KTN1: variants seen among roughly 807,000 people sequenced by gnomAD.
The protein encoded by KTN1 is kinectin 1.
KTN1 carries 130 observed loss-of-function variants against 222.5 expected under a neutral mutation model. The ratio of observed to expected loss-of-function variants is 0.58; its 90% CI spans 0.51 to 0.68. The LOEUF (loss-of-function observed/expected upper bound fraction) is 0.68. Among genes scored for constraint, KTN1 ranks in the 30% least tolerant of loss-of-function variants. The probability of loss-of-function intolerance (pLI) is 0.00; values close to 1 mark genes in which losing one functional copy is unlikely to be tolerated. For missense variants in KTN1, 1,508 were observed against 1,500.4 expected (o/e 1.01, Z -0.08); for synonymous variants, 512 against 496.3 (o/e 1.03, Z -0.42).
chr14:55,580,981 A>G (rs1256580691), intron 1 of KTN1, among the ~76,000 whole-genome samples: 3 of 152,160 alleles, frequency 2.0e-5, no homozygotes, highest in African/African-American at 7.2e-5. Flanking sequence ...AAGCAGCATG[A>G]GGGGGGACTT....
intron 29 of KTN1, among the ~76,000 whole-genome samples, chr14:55,657,783 A>C (rs1230306190): frequency 6.6e-6 from 1 of 152,006 alleles, no homozygotes; most frequent in Non-Finnish European, 1.5e-5. Flanking sequence ...GCATGGTGGC[A>C]GGTGCCTGTA....
At chr14:55,614,987 T>C (rs761125407) in intron 2 of KTN1, among the ~76,000 whole-genome samples, 2 of 152,156 alleles carry the variant, frequency 1.3e-5, no homozygotes, top group Non-Finnish European at 2.9e-5. Flanking sequence ...TTCAGAAGCC[T>C]TAAGCGTGAA....
At chr14:55,588,578 G>A (rs1044568543) in intron 1 of KTN1, among the ~76,000 whole-genome samples, 13 of 152,288 alleles carry the variant, frequency 8.5e-5, no homozygotes, top group African/African-American at 1.9e-4. Context: ...TTAGAGTCAT[G>A]GATAGGAGTC....
At chr14:55,656,004 G>T (rs747864034) in intron 28 of KTN1, 38 bp from the exon 29 acceptor site, 77 of 1,246,020 alleles carry the variant, frequency 6.2e-5, no homozygotes, top group Admixed American at 4.5e-4. Flanking sequence ...CCTTTTTTAT[G>T]TACTTTAGTT....
At chr14:55,625,630 A>C (rs1341428233) in intron 5 of KTN1, among the ~76,000 whole-genome samples, 2 of 152,064 alleles carry the variant, frequency 1.3e-5, no homozygotes, top group East Asian at 1.9e-4. Context: ...TTCTTTATTC[A>C]TCTCTTGGTT....
Position 55,627,488 on chromosome 14 carries a change from G to C in KTN1, c.964-424G>C, listed in dbSNP as rs1019551833. Among the ~76,000 whole-genome samples, 3 of 151,312 alleles carry C rather than the reference G, an allele frequency of 2.0e-5. 1 individual carries two copies. The highest frequency in any genetic ancestry group is 2.9e-5 in the Non-Finnish European group (2 of 67,870). Reference sequence around the variant, plus strand: ...ATTTTTCTTATACTTTAAGTTCTGGGATACATGTGCAGAACGTGCAGGTTT... The same window carrying C: ...ATTTTTCTTATACTTTAAGTTCTGGCATACATGTGCAGAACGTGCAGGTTT... On this transcript the variant is annotated intron_variant, in intron 5 of 43. Coordinates refer to ENST00000395314, the MANE Select transcript of KTN1 (RefSeq NM_001079521.2).
intron 5 of KTN1, among the ~76,000 whole-genome samples, chr14:55,627,603 C>T (rs547217359): frequency 1.9e-4 from 29 of 152,186 alleles, no homozygotes; most frequent in Non-Finnish European, 2.8e-4. Flanking sequence ...TATCCCTCCC[C>T]TATTCCCCCA....
intron 5 of KTN1, among the ~76,000 whole-genome samples, chr14:55,626,704 T>G (rs1252266471): frequency 6.6e-6 from 1 of 152,172 alleles, no homozygotes; most frequent in African/African-American, 2.4e-5. Context: ...TGGCTGGTGT[T>G]CTCCTTGGGG....
intron 33 of KTN1, among the ~76,000 whole-genome samples, chr14:55,664,505 C>T (rs1461628148): frequency 1.3e-5 from 2 of 152,090 alleles, no homozygotes; most frequent in African/African-American, 2.4e-5. Flanking sequence ...AAGGCATCAA[C>T]TTTGGGTGTG....
chr14:55,624,279 G>C (rs949950998), intron 5 of KTN1, among the ~76,000 whole-genome samples: 35 of 152,288 alleles, frequency 2.3e-4, no homozygotes, highest in Non-Finnish European at 4.3e-4. Context: ...TTGAATCCTT[G>C]TGCTGAATAA....
chr14:55,640,355 C>T lies in KTN1; in HGVS notation c.1915-19C>T. 1 of 1,470,564 alleles carries T rather than the reference C, an allele frequency of 6.8e-7. No homozygotes were observed. Among genetic ancestry groups the T allele is most frequent in the South Asian group, 1.2e-5 (1 of 84,070 alleles). 91.1% of individuals were successfully genotyped at this position (1,470,564 alleles called of 1,614,324 possible). On this transcript the variant is annotated intron_variant, in intron 14 of 43. Transcript: ENST00000395314. ...TCAGTTGTATTAAGTATTTTAAATG[C>T]TATTTTTCCTTGTTCTAGGATATAC...
chr14:55,585,240 CAG>C (rs1389727640), intron 1 of KTN1, among the ~76,000 whole-genome samples: 3 of 151,286 alleles, frequency 2.0e-5, no homozygotes, highest in East Asian at 1.9e-4. Context: ...CAGGGATGGT[CAG>C]AGAGTGGAAG....
chr14:55,671,468 A>G (rs1386433740), intron 35 of KTN1, 98 bp from the exon 36 acceptor site: 1 of 779,756 alleles, frequency 1.3e-6, no homozygotes, highest in Non-Finnish European at 2.1e-6. Context: ...ACACTTTGAA[A>G]CCATTTATCA....
At chr14:55,655,889 T>C (rs1399021159) in intron 28 of KTN1, among the ~76,000 whole-genome samples, 153 bp from the exon 29 acceptor site, 2 of 152,210 alleles carry the variant, frequency 1.3e-5, no homozygotes, top group Non-Finnish European at 2.9e-5. Flanking sequence ...CCTAGAAATA[T>C]CTTTTTAAAC....
intron 2 of KTN1, among the ~76,000 whole-genome samples, chr14:55,614,710 T>C (rs1594851375): frequency 2.0e-5 from 3 of 152,246 alleles, no homozygotes; most frequent in Non-Finnish European, 4.4e-5. Flanking sequence ...ATGACTGGCT[T>C]TCATGCTGCA....
At chr14:55,668,555 G>A (rs904944610) in intron 34 of KTN1, 6 of 152,008 alleles carry the variant, frequency 3.9e-5, no homozygotes, top group African/African-American at 1.2e-4. Flanking sequence ...GTAGAGTAGG[G>A]GCAAGACCAC....
intron 5 of KTN1, among the ~76,000 whole-genome samples, chr14:55,626,208 CAAAAA>C (rs532496956): frequency 9.1e-5 from 13 of 143,246 alleles, no homozygotes; most frequent in Admixed American, 1.4e-4. Flanking sequence ...ATATCTTTAA[CAAAAA>C]AAAAAACCCT....
intron 11 of KTN1, 132 bp from the exon 12 acceptor site, chr14:55,637,647 T>C (rs2041291586): frequency 6.0e-6 from 4 of 665,562 alleles, no homozygotes; most frequent in Non-Finnish European, 1.0e-5. Context: ...AAATAATGCC[T>C]TTTGGAATCT....
chr14:55,652,799 T>C, intron 25 of KTN1, 51 bp from the exon 26 acceptor site: 1 of 1,362,274 alleles, frequency 7.3e-7, no homozygotes. Context: ...ATTTTTGCTT[T>C]TTATGGTCAT....
Sources: allele counts gnomAD v4.1 joint callset (sites outside exome capture counted in the v4.1 genomes callset), GRCh38; gene constraint gnomAD v4.1.1; transcripts MANE v1.5; gene names NCBI Gene and HGNC (gene_info 2026-07-23, HGNC 2026-07-21).